RBAK: variants seen among roughly 807,000 people sequenced by gnomAD.
RBAK encodes the protein RB-associated KRAB zinc finger protein.
A neutral mutation model predicts 65.8 loss-of-function variants in RBAK; 39 were observed. The observed-to-expected ratio is 0.59, with a 90% CI of 0.46 to 0.77. The LOEUF (loss-of-function observed/expected upper bound fraction) is 0.77. Ranked by LOEUF, RBAK falls within the 30% of genes least tolerant of loss-of-function variation. RBAK has a pLI of 0.00. For missense variants in RBAK, 884 were observed against 855.1 expected (o/e 1.03, Z -0.42); for synonymous variants, 343 against 289.7 (o/e 1.18, Z -1.87).
rs779944649 is a variant in RBAK at position 5,064,250 on chromosome 7, AAT to A, written c.795_796del (p.Cys266TrpfsTer6). 6.2e-7 allele frequency: 1 copy of A among 1,614,174 alleles called. No homozygotes were observed. ...GAAATGAAGCCCTTTGAATGCAGTG[AAT>A]GTGGAAAATCCTTCTGTAAAAAGTC... On this transcript the variant is annotated frameshift_variant, in exon 5 of 5. Transcript: ENST00000396912. LOFTEE classifies it high-confidence loss of function. This position sits in a 1 kb window ranked among gnomAD's most constrained non-coding sequence, Gnocchi z 6.3.
intron 4 of RBAK, 74 bp downstream of exon 4, chr7:5,057,853 A>G (rs1269399164): frequency 1.3e-6 from 2 of 1,543,490 alleles, no homozygotes; most frequent in Non-Finnish European, 1.8e-6. Context: ...AGTTGTTTAT[A>G]TGTATTCAGT....
intron 4 of RBAK, among the ~76,000 whole-genome samples, chr7:5,061,459 T>C (rs1335844255): frequency 3.3e-5 from 5 of 150,710 alleles, no homozygotes; most frequent in South Asian, 2.1e-4. Flanking sequence ...TTTTCTTTTT[T>C]TTTTTTTTTT....
intron 4 of RBAK, among the ~76,000 whole-genome samples, 192 bp from the exon 5 acceptor site, chr7:5,063,502 TG>T (rs1452065437): frequency 7.2e-5 from 11 of 152,166 alleles, no homozygotes; most frequent in Non-Finnish European, 1.5e-4. Flanking sequence ...TGTGTGTGTG[TG>T]TGTGTGTGTG....
chr7:5,059,431 C>T (rs928285295), intron 4 of RBAK, among the ~76,000 whole-genome samples: 1 of 152,072 alleles, frequency 6.6e-6, no homozygotes, highest in Non-Finnish European at 1.5e-5. Flanking sequence ...AGCGATTCCC[C>T]TGCCTCAGCC....
At position 5,063,893 on chromosome 7, in the gene RBAK, C is replaced by T. The variant is rs1316814983; in HGVS notation, c.437C>T (p.Ser146Phe). Residue 146 changes from serine to phenylalanine, a missense_variant, in exon 5 of 5, where the codon TCT becomes TTT. By Grantham distance (155) the Ser-to-Phe change is radical (BLOSUM62 -2). Transcript: ENST00000396912. ...NCVSCGKNLESISQLISSDGS... is the reference protein window; with the variant it reads ...NCVSCGKNLEFISQLISSDGS... ...GTCTCATGTGGAAAGAATTTAGAAT[C>T]TATTTCGCAATTAATTAGTAGTGAT... 1 of 1,614,008 alleles carries T rather than the reference C, an allele frequency of 6.2e-7. No homozygotes were observed. Among genetic ancestry groups the T allele is most frequent in the Admixed American group, 1.7e-5 (1 of 60,016 alleles).
chr7:5,067,749 C>G lies in RBAK; in HGVS notation c.*2148C>G, dbSNP rs997700333. On this transcript the variant is annotated 3_prime_UTR_variant, in exon 5 of 5. Coordinates refer to ENST00000396912, the MANE Select transcript of RBAK (RefSeq NM_021163.4). ...AGGATGAAAAAACTGACTAGTGGAACAGCATACAGATTCAAAAGTAGACCC... is the reference window on the plus strand; with the variant it reads ...AGGATGAAAAAACTGACTAGTGGAAGAGCATACAGATTCAAAAGTAGACCC... 1 of 152,166 alleles carries G rather than the reference C, an allele frequency of 6.6e-6. No homozygotes were observed. Among genetic ancestry groups the G allele is most frequent in the Non-Finnish European group, 1.5e-5 (1 of 68,014 alleles). 9.4% of individuals were successfully genotyped at this position (152,166 alleles called of 1,614,324 possible). A position where few individuals can be genotyped will look rare whatever the true frequency, so the allele number is the denominator to read the frequency against.
intron 2 of RBAK, among the ~76,000 whole-genome samples, chr7:5,053,656 T>G (rs946081510): frequency 1.3e-5 from 2 of 152,256 alleles, no homozygotes; most frequent in Non-Finnish European, 2.9e-5. Context: ...TTGCTTTTAA[T>G]TCTTTTTTCT....
At chr7:5,058,918 C>T (rs1330289928) in intron 4 of RBAK, among the ~76,000 whole-genome samples, 3 of 152,292 alleles carry the variant, frequency 2.0e-5, no homozygotes, top group South Asian at 2.1e-4. Flanking sequence ...CAAATTGATA[C>T]GTCTGACACT....
At chr7:5,054,893 T>C (rs1788191629) in intron 2 of RBAK, among the ~76,000 whole-genome samples, 1 of 152,172 alleles carries the variant, frequency 6.6e-6, no homozygotes, top group Admixed American at 6.5e-5. Flanking sequence ...TTAGGGTAAC[T>C]GACTTACCCT....
chr7:5,049,219 C>G (rs1254527457), intron 2 of RBAK, among the ~76,000 whole-genome samples: 1 of 152,138 alleles, frequency 6.6e-6, no homozygotes, highest in Non-Finnish European at 1.5e-5. Flanking sequence ...ATTCTTGGTG[C>G]TTATGTAAGC....
chr7:5,065,787 C>G lies in RBAK; in HGVS notation c.*186C>G. On this transcript the variant is annotated 3_prime_UTR_variant, in exon 5 of 5. Transcript: ENST00000396912. The surrounding 1 kb of genome is among the most constrained non-coding windows in gnomAD (Gnocchi z 5.3). The stretch of plus-strand genomic sequence containing the variant: ...AGAATGTAACAAGAAGCAAAGCCTT[C>G]AGCAAGATCATACGACTCATCGGAC... The G allele has an allele frequency of 2.3e-6, 1 of 430,822 alleles. No individual in the cohort carries two copies. Among genetic ancestry groups the G allele is most frequent in the Non-Finnish European group, 4.1e-6 (1 of 246,730 alleles). The allele number at this position is 430,822 out of a possible 1,614,324, so 26.7% of individuals were successfully genotyped here. A position where few individuals can be genotyped will look rare whatever the true frequency, so the allele number is the denominator to read the frequency against.
At chr7:5,062,064 G>A (rs1779088611) in intron 4 of RBAK, among the ~76,000 whole-genome samples, 2 of 152,146 alleles carry the variant, frequency 1.3e-5, no homozygotes, top group African/African-American at 4.8e-5. Flanking sequence ...AGTAAGGCAT[G>A]GATTTTGGAA....
chr7:5,047,445 T>A (rs916000753), intron 1 of RBAK, among the ~76,000 whole-genome samples: 18 of 152,008 alleles, frequency 1.2e-4, no homozygotes, highest in African/African-American at 4.3e-4. Context: ...AATGGGAATT[T>A]TTTTTTTCTT....
rs1318004737 is a variant in RBAK, at chr7:5,057,320, C to T, written c.41C>T (p.Ala14Val). 1.9e-6 allele frequency: 3 copies of T among 1,613,942 alleles called. No individual in the cohort carries two copies. The highest frequency in any genetic ancestry group is 2.5e-6 in the Non-Finnish European group (3 of 1,179,996). ...LQGPVSFKDVAVDFTQEEWQQ... is the reference protein window; with the variant it reads ...LQGPVSFKDVVVDFTQEEWQQ... Reference sequence around the variant, plus strand: ...GGGCCAGTGTCATTCAAAGATGTGGCTGTGGATTTCACCCAGGAGGAGTGG... The same window carrying T: ...GGGCCAGTGTCATTCAAAGATGTGGTTGTGGATTTCACCCAGGAGGAGTGG... Residue 14 changes from alanine (A) to valine (V), a missense_variant, in exon 3 of 5, where the codon GCT (alanine) becomes GTT (valine). Coordinates refer to ENST00000396912, the MANE Select transcript of RBAK (RefSeq NM_021163.4).
chr7:5,053,917 C>G (rs1788169260), intron 2 of RBAK, among the ~76,000 whole-genome samples: 1 of 152,164 alleles, frequency 6.6e-6, no homozygotes, highest in South Asian at 2.1e-4. Context: ...TTTTGATGGA[C>G]TGATTCTTTT....
chr7:5,069,200 AATC>A lies in RBAK; in HGVS notation c.*3602_*3604del, dbSNP rs1286430898. 2 of 152,196 alleles carry A rather than the reference AATC, an allele frequency of 1.3e-5. No individual in the cohort carries two copies. Among genetic ancestry groups the A allele is most frequent in the African/African-American group, 2.4e-5 (1 of 41,454 alleles). The allele number at this position is 152,196 out of a possible 1,614,324, so 9.4% of individuals were successfully genotyped here. On this transcript the variant is annotated 3_prime_UTR_variant, in exon 5 of 5. Coordinates refer to ENST00000396912, the MANE Select transcript of RBAK (RefSeq NM_021163.4). ...TAACATTTGTGTCGCTCATCACTCT[AATC>A]ATATTTTTCTAGATGTGTATGAATA...
At chr7:5,058,047 T>C (rs1308580209) in intron 4 of RBAK, among the ~76,000 whole-genome samples, 2 of 145,716 alleles carry the variant, frequency 1.4e-5, no homozygotes, top group Admixed American at 1.4e-4. Flanking sequence ...CCCTTGCCAT[T>C]ACAGAATTGT....
rs1779185776 is a variant in RBAK, at chr7:5,065,136, T to A, written c.1680T>A (p.Ser560Arg). ...ELSYYTEHYR[S>R]HSEEKPYGCS... ...CATACTATACTGAACATTATAGAAG[T>A]CATTCAGAAGAGAAACCTTATGGAT... is the stretch of plus-strand genomic sequence containing the variant. Residue 560 changes from serine to arginine, a missense_variant, in exon 5 of 5, where the codon AGT becomes AGA. Ser to Arg is a moderately radical substitution (Grantham distance 110). Coordinates refer to ENST00000396912, the MANE Select transcript of RBAK (RefSeq NM_021163.4). This position sits in a 1 kb window ranked among gnomAD's most constrained non-coding sequence, Gnocchi z 5.3. 2 of 1,613,798 alleles carry A rather than the reference T, an allele frequency of 1.2e-6. No homozygotes were observed. The highest frequency in any genetic ancestry group is 1.1e-5 in the South Asian group (1 of 91,044).
In RBAK at chr7:5,069,352, A is replaced by T. The variant is rs1779300457; in HGVS notation, c.*3751A>T. ...CTGTCCTTAAAGCTTAGCATAATGT[A>T]TATTTTAAGTGAAATATTTGAGAAG... On this transcript the variant is annotated 3_prime_UTR_variant, in exon 5 of 5. Transcript: ENST00000396912. 6.6e-6 allele frequency: 1 copy of T among 152,236 alleles called. No individual in the cohort carries two copies. Among genetic ancestry groups the T allele is most frequent in the Non-Finnish European group, 1.5e-5 (1 of 68,044 alleles). The allele number at this position is 152,236 out of a possible 1,614,324, so 9.4% of individuals were successfully genotyped here.
Sources: gnomAD v4.1 joint callset for allele counts (sites outside exome capture counted in the v4.1 genomes callset) on GRCh38, gnomAD v4.1.1 for gene constraint, Gnocchi (gnomAD v3.1) non-coding constraint, MANE v1.5 for transcripts, NCBI Gene and HGNC (gene_info 2026-07-23, HGNC 2026-07-21) for gene names.